Variants in SLC12A4 observed in about 807,000 individuals in gnomAD.
SLC12A4 encodes solute carrier family 12 member 4.
A neutral mutation model predicts 119.2 loss-of-function variants in SLC12A4; 84 were observed. The ratio of observed to expected loss-of-function variants is 0.70; its 90% CI spans 0.59 to 0.85. SLC12A4 has a LOEUF of 0.85. SLC12A4 is among the 40% of genes least tolerant of loss of function. The probability of loss-of-function intolerance (pLI) is 0.00; values close to 1 mark genes in which losing one functional copy is unlikely to be tolerated. For missense variants in SLC12A4, 1,298 were observed against 1,476.3 expected, an observed-to-expected ratio of 0.88 and a Z score of 1.98; for synonymous variants, 599 against 604.6, an observed-to-expected ratio of 0.99 and a Z score of 0.14.
At chr16:67,956,015 A>G (rs1273014725) in intron 5 of SLC12A4, among the ~76,000 whole-genome samples, 1 of 151,562 alleles carries the variant, frequency 6.6e-6, no homozygotes, top group Non-Finnish European at 1.5e-5. Flanking sequence ...CATCTCTACT[A>G]AAAATACAAA....
intron 16 of SLC12A4, 66 bp downstream of exon 16, chr16:67,947,264 AC>A: frequency 6.5e-7 from 1 of 1,534,520 alleles, no homozygotes; most frequent in Non-Finnish European, 8.9e-7. Flanking sequence ...GCACCTCTCG[AC>A]CCTCTGACCC....
chr16:67,961,813 G>A, intron 2 of SLC12A4, 107 bp from the exon 3 acceptor site: 1 of 1,441,866 alleles, frequency 6.9e-7, no homozygotes, highest in Non-Finnish European at 9.5e-7. Flanking sequence ...AGACAGGCCT[G>A]GGCCTGATCC....
intron 16 of SLC12A4, 103 bp downstream of exon 16, chr16:67,947,228 C>T: frequency 6.7e-7 from 1 of 1,494,586 alleles, no homozygotes; most frequent in Non-Finnish European, 9.1e-7. Flanking sequence ...GGAGGGTGCC[C>T]CGGGCAGCCC....
At chr16:67,964,559 GC>G (rs2030775248) in intron 1 of SLC12A4, among the ~76,000 whole-genome samples, 1 of 152,048 alleles carries the variant, frequency 6.6e-6, no homozygotes, top group African/African-American at 2.4e-5. Flanking sequence ...TACCCTCGCA[GC>G]CCCGGCCCTG....
At position 67,944,745 on chromosome 16, in the gene SLC12A4, G is replaced by A; in HGVS notation, c.*95C>T. 6.6e-7 allele frequency: 1 copy of A among 1,518,922 alleles called. No homozygotes were observed. The highest frequency in any genetic ancestry group is 8.8e-7 in the Non-Finnish European group (1 of 1,134,208). The allele number at this position is 1,518,922 out of a possible 1,614,324, so 94.1% of individuals were successfully genotyped here. A position where few individuals can be genotyped will look rare whatever the true frequency, so the allele number is the denominator to read the frequency against. On this transcript the variant is annotated 3_prime_UTR_variant, in exon 24 of 24. Coordinates refer to ENST00000316341, the MANE Select transcript of SLC12A4 (RefSeq NM_005072.5). This position sits in a 1 kb window ranked among gnomAD's most constrained non-coding sequence, Gnocchi z 6.6. ...AGGACAGGGCCAGGCAAGCAGGGCT[G>A]GCAGGTGGGTGCTGGGAAGAGGCTG...
chr16:67,950,590 G>C lies in SLC12A4; in HGVS notation c.1454+64C>G. 2 of 1,608,168 alleles carry C rather than the reference G, an allele frequency of 1.2e-6. No individual in the cohort carries two copies. The highest frequency in any genetic ancestry group is 2.7e-5 in the African/African-American group (2 of 74,836). ...AGGCTTAGGACCACCCACGGGGTTG[G>C]GAGCTGGTGTGAGGGCAGGCCAAAG... On this transcript the variant is annotated intron_variant, in intron 11 of 23. Transcript: ENST00000316341. The surrounding 1 kb of genome is among the most constrained non-coding windows in gnomAD (Gnocchi z 4.3).
chr16:67,947,283 G>A (rs1325476578), intron 16 of SLC12A4, 48 bp downstream of exon 16: 17 of 1,575,944 alleles, frequency 1.1e-5, no homozygotes, highest in African/African-American at 1.4e-5. Flanking sequence ...CCCCGACAGC[G>A]ACCCCTAAGA....
intron 6 of SLC12A4, 152 bp downstream of exon 6, chr16:67,954,491 G>A: frequency 4.2e-6 from 4 of 942,370 alleles, no homozygotes; most frequent in Non-Finnish European, 6.2e-6. Context: ...ACCAGCCTGA[G>A]TAAAGGTCTT....
Position 67,946,580 on chromosome 16 carries a change from C to G in SLC12A4, c.2295G>C (p.Val765=), listed in dbSNP as rs375235741. Reference sequence around the variant, plus strand: ...GCCCCTCCCGCACCTTGCTGGCCACCACCACCTGGCAGAAGCCCTTCACCT... The same window carrying G: ...GCCCCTCCCGCACCTTGCTGGCCACGACCACCTGGCAGAAGCCCTTCACCT... ...IEKVKGFCQV[V]VASKVREGLA... is the part of the protein sequence containing the mutation. The change falls in exon 18 of 24, where the codon GTG becomes GTC. Residue 765 remains valine, a synonymous_variant. Coordinates refer to ENST00000316341, the MANE Select transcript of SLC12A4 (RefSeq NM_005072.5). 3 of 1,613,010 alleles carry G rather than the reference C, an allele frequency of 1.9e-6. No homozygotes were observed. The highest frequency in any genetic ancestry group is 1.3e-5 in the African/African-American group (1 of 74,950).
intron 17 of SLC12A4, 47 bp from the exon 18 acceptor site, chr16:67,946,680 C>A (rs766895438): frequency 8.3e-6 from 13 of 1,568,858 alleles, no homozygotes; most frequent in Non-Finnish European, 1.0e-5. Context: ...CAGCTTCCTG[C>A]CTCTGGGCTC....
chr16:67,957,603 G>T, intron 5 of SLC12A4, 139 bp downstream of exon 5: 1 of 881,502 alleles, frequency 1.1e-6, no homozygotes, highest in Non-Finnish European at 1.8e-6. Context: ...TCCTACGTGG[G>T]CACTGTCCTG....
chr16:67,947,250 G>C (rs1054243655), intron 16 of SLC12A4, 81 bp downstream of exon 16: 17 of 1,505,168 alleles, frequency 1.1e-5, no homozygotes, highest in Non-Finnish European at 1.5e-5. Flanking sequence ...AGGATGGGGA[G>C]CCGGCACCTC....
At position 67,949,731 on chromosome 16, in the gene SLC12A4, A is replaced by C; in HGVS notation, c.1748+69T>G. Reference sequence around the variant, plus strand: ...CAGCTGGACCTCCAACACCAGACGCAGCCACGGGGAGGTGCTGGGGTTCAG... The same window carrying C: ...CAGCTGGACCTCCAACACCAGACGCCGCCACGGGGAGGTGCTGGGGTTCAG... On this transcript the variant is annotated intron_variant, in intron 13 of 23. Coordinates refer to ENST00000316341, the MANE Select transcript of SLC12A4 (RefSeq NM_005072.5). This position sits in a 1 kb window ranked among gnomAD's most constrained non-coding sequence, Gnocchi z 4.6. 1 of 1,069,892 alleles carries C rather than the reference A, an allele frequency of 9.3e-7. No homozygotes were observed. The highest frequency in any genetic ancestry group is 1.4e-6 in the Non-Finnish European group (1 of 723,760). 66.3% of individuals were successfully genotyped at this position (1,069,892 alleles called of 1,614,324 possible).
At position 67,949,190 on chromosome 16, in the gene SLC12A4, C is replaced by A. The variant is rs2151327205; in HGVS notation, c.1748+610G>T. On this transcript the variant is annotated intron_variant, in intron 13 of 23. Coordinates refer to ENST00000316341, the MANE Select transcript of SLC12A4 (RefSeq NM_005072.5). The surrounding 1 kb of genome is among the most constrained non-coding windows in gnomAD (Gnocchi z 4.6). ...ATGGGTTGGGCATGGTGGCTCACGC[C>A]TGTAATCCCAGCACTTTGGGAGGCC... 6.6e-6 allele frequency among the ~76,000 whole-genome samples: 1 copy of A among 152,322 alleles called. No individual in the cohort carries two copies. Among genetic ancestry groups the A allele is most frequent in the Middle Eastern group, 3.4e-3 (1 of 294 alleles).
chr16:67,964,612 T>C (rs2030777551), intron 1 of SLC12A4, among the ~76,000 whole-genome samples: 1 of 152,078 alleles, frequency 6.6e-6, no homozygotes, highest in Non-Finnish European at 1.5e-5. Context: ...CATCTTGGTG[T>C]TGGATGGCAG....
chr16:67,966,136 T>C (rs1244448990), intron 1 of SLC12A4, among the ~76,000 whole-genome samples: 1 of 152,214 alleles, frequency 6.6e-6, no homozygotes, highest in Non-Finnish European at 1.5e-5. Context: ...TGTGCGGCCT[T>C]GGTTTCCTCT....
intron 3 of SLC12A4, among the ~76,000 whole-genome samples, chr16:67,959,387 C>T (rs899148640): frequency 7.2e-5 from 11 of 152,172 alleles, no homozygotes; most frequent in Non-Finnish European, 1.3e-4. Flanking sequence ...GGAAGACCCA[C>T]GAGACAGTGC....
Position 67,949,949 on chromosome 16 carries a change from G to A in SLC12A4, c.1630-31C>T, listed in dbSNP as rs2058394927. ...TGCACCAGGAAGGAAGCTGGGTCCT[G>A]TCACCCCCATTCCACACCTTGGGCC... On this transcript the variant is annotated intron_variant, in intron 12 of 23. Coordinates refer to ENST00000316341, the MANE Select transcript of SLC12A4 (RefSeq NM_005072.5). The surrounding 1 kb of genome is among the most constrained non-coding windows in gnomAD (Gnocchi z 4.6). The A allele has an allele frequency of 1.3e-6, 2 of 1,538,088 alleles. No individual in the cohort carries two copies. The highest frequency in any genetic ancestry group is 2.7e-5 in the African/African-American group (2 of 73,322).
Position 67,961,709 on chromosome 16 carries a change from GC to G in SLC12A4, c.211-4del, listed in dbSNP as rs1216630451. 6.2e-7 allele frequency: 1 copy of G among 1,614,010 alleles called. No homozygotes were observed. The highest frequency in any genetic ancestry group is 8.5e-7 in the Non-Finnish European group (1 of 1,179,944). ...TTTGGGCGGATGTCCAGCTCTTCCT[GC>G]AAACAGAGCCACAGGGCAAGATGGC... On this transcript the variant is annotated splice_polypyrimidine_tract_variant and splice_region_variant and intron_variant, in intron 2 of 23. Coordinates refer to ENST00000316341, the MANE Select transcript of SLC12A4 (RefSeq NM_005072.5).
Sources: allele counts gnomAD v4.1 joint callset (sites outside exome capture counted in the v4.1 genomes callset), GRCh38; gene constraint gnomAD v4.1.1; non-coding constraint Gnocchi (gnomAD v3.1); transcripts MANE v1.5; gene names NCBI Gene and HGNC (gene_info 2026-07-23, HGNC 2026-07-21).